Variants in DISP1 observed in about 807,000 individuals in gnomAD.
DISP1 encodes dispatched RND transporter family member 1, also known as protein dispatched homolog 1.
Under a neutral mutation model 37.3 loss-of-function variants are expected in DISP1, and 30 were observed. The ratio of observed to expected loss-of-function variants is 0.80; its 90% CI spans 0.60 to 1.09. The LOEUF (loss-of-function observed/expected upper bound fraction) is 1.09. Among genes scored for constraint, DISP1 ranks in the 50% least tolerant of loss-of-function variants. The pLI, the probability that DISP1 is intolerant of heterozygous loss-of-function variation, is 0.00. For synonymous variants in DISP1, 634 were observed against 690.2 expected (o/e 0.92, Z 1.28); for missense variants, 1,598 against 1,879.5 (o/e 0.85, Z 2.77).
Position 223,002,475 on chromosome 1 carries a change from A to G in DISP1, c.1078A>G (p.Ile360Val), listed in dbSNP as rs777035784. Residue 360 changes from isoleucine (I) to valine (V), a missense_variant, in exon 9 of 9, where the codon ATT (isoleucine) becomes GTT (valine). By Grantham distance (29) the Ile-to-Val change is conservative. Coordinates refer to ENST00000675850, the MANE Select transcript of DISP1 (RefSeq NM_001377229.1). ...PSWTLGNYIA[I>V]LNNRSSCQKI... ...CTGGACACTGGGAAACTACATCGCCATTCTGAACAATAGATCGTCCTGTCA... is the reference window on the plus strand; with the variant it reads ...CTGGACACTGGGAAACTACATCGCCGTTCTGAACAATAGATCGTCCTGTCA... 1 of 1,614,188 alleles carries G rather than the reference A, an allele frequency of 6.2e-7. No individual in the cohort carries two copies. Among genetic ancestry groups the G allele is most frequent in the Non-Finnish European group, 8.5e-7 (1 of 1,180,032 alleles).
chr1:222,968,707 G>C (rs1036760161), intron 3 of DISP1, among the ~76,000 whole-genome samples: 3 of 152,162 alleles, frequency 2.0e-5, no homozygotes, highest in Non-Finnish European at 2.9e-5. Context: ...CCAGAGGCAG[G>C]TGGATCACCT....
chr1:222,919,331 G>A (rs568222072), intron 1 of DISP1, among the ~76,000 whole-genome samples: 3 of 152,206 alleles, frequency 2.0e-5, no homozygotes, highest in Non-Finnish European at 4.4e-5. Context: ...GCTGAGGGAA[G>A]TCACGCCCCG....
chr1:222,870,028 G>C (rs902491908), intron 1 of DISP1, among the ~76,000 whole-genome samples: 1 of 151,950 alleles, frequency 6.6e-6, no homozygotes, highest in African/African-American at 2.4e-5. Flanking sequence ...CTATGAATGA[G>C]AACATGCGGT....
At chr1:222,981,891 G>C (rs968011385) in intron 3 of DISP1, among the ~76,000 whole-genome samples, 1 of 152,144 alleles carries the variant, frequency 6.6e-6, no homozygotes, top group African/African-American at 2.4e-5. Flanking sequence ...TTAGTGTAGT[G>C]GTTCCTAAAC....
At chr1:222,935,701 G>T (rs1167970922) in intron 2 of DISP1, among the ~76,000 whole-genome samples, 1 of 152,146 alleles carries the variant, frequency 6.6e-6, no homozygotes, top group East Asian at 1.9e-4. Context: ...GTGAGGCTTT[G>T]CTAAGTGGTT....
At chr1:222,957,355 G>A (rs1234643976) in intron 3 of DISP1, among the ~76,000 whole-genome samples, 1 of 152,084 alleles carries the variant, frequency 6.6e-6, no homozygotes, top group South Asian at 2.1e-4. Flanking sequence ...TTGGGAAGCC[G>A]AGGTGGATGG....
At chr1:222,960,954 T>C (rs961419663) in intron 3 of DISP1, among the ~76,000 whole-genome samples, 1 of 152,062 alleles carries the variant, frequency 6.6e-6, no homozygotes, top group African/African-American at 2.4e-5. Context: ...CAAGAAGTTC[T>C]GAAATTGAGG....
intron 1 of DISP1, among the ~76,000 whole-genome samples, chr1:222,842,348 A>G (rs1347915817): frequency 1.3e-5 from 2 of 151,150 alleles, no homozygotes; most frequent in Admixed American, 6.6e-5. Flanking sequence ...GTTTTATTCT[A>G]TAGCCACAGC....
chr1:222,839,149 T>C (rs895015808), intron 1 of DISP1, among the ~76,000 whole-genome samples: 8 of 152,146 alleles, frequency 5.3e-5, no homozygotes, highest in Non-Finnish European at 1.2e-4. Context: ...TGTGGCCTGT[T>C]AGGAACTGGG....
At chr1:222,874,030 T>C (rs926116089) in intron 1 of DISP1, among the ~76,000 whole-genome samples, 3 of 152,212 alleles carry the variant, frequency 2.0e-5, no homozygotes, top group African/African-American at 4.8e-5. Context: ...CCTTCACTTA[T>C]GAAACTTAGT....
At position 222,890,551 on chromosome 1, in the gene DISP1, C is replaced by A. The variant is rs544167162; in HGVS notation, c.-158-37879C>A. On this transcript the variant is annotated intron_variant, in intron 1 of 8. Coordinates refer to ENST00000675850, the MANE Select transcript of DISP1 (RefSeq NM_001377229.1). ...TAAATGAGGGAGATAAGGGATAGTTCATTTTGGGGGAATCGGGGAAGACTT... is the reference window on the plus strand; with the variant it reads ...TAAATGAGGGAGATAAGGGATAGTTAATTTTGGGGGAATCGGGGAAGACTT... Among the ~76,000 whole-genome samples the A allele has an allele frequency of 1.2e-4, 18 of 152,126 alleles. No individual in the cohort carries two copies. In the South Asian group the frequency reaches 3.7e-3, roughly 32 times the overall value.
chr1:222,956,742 C>T (rs950496524), intron 3 of DISP1, among the ~76,000 whole-genome samples: 1 of 152,022 alleles, frequency 6.6e-6, no homozygotes. Context: ...AGACTTCATT[C>T]CAGTATTCCA....
At chr1:222,843,967 G>T (rs897274939) in intron 1 of DISP1, among the ~76,000 whole-genome samples, 1 of 152,078 alleles carries the variant, frequency 6.6e-6, no homozygotes, top group African/African-American at 2.4e-5. Flanking sequence ...GGCTAGGAAA[G>T]GCACCCATGG....
At chr1:222,952,432 A>G (rs1270898719) in intron 3 of DISP1, among the ~76,000 whole-genome samples, 1 of 152,238 alleles carries the variant, frequency 6.6e-6, no homozygotes, top group African/African-American at 2.4e-5. Flanking sequence ...ATGATATAGA[A>G]TAACAGCAAT....
intron 1 of DISP1, among the ~76,000 whole-genome samples, chr1:222,894,375 G>T (rs1277960952): frequency 6.6e-6 from 1 of 152,160 alleles, no homozygotes; most frequent in African/African-American, 2.4e-5. Context: ...CACCCTCAGT[G>T]CCCCCTCGGG....
At position 223,003,956 on chromosome 1, in the gene DISP1, T is replaced by C; in HGVS notation, c.2559T>C (p.Ile853=). 1 of 1,614,030 alleles carries C rather than the reference T, an allele frequency of 6.2e-7. No homozygotes were observed. The highest frequency in any genetic ancestry group is 8.5e-7 in the Non-Finnish European group (1 of 1,179,928). The change falls in exon 9 of 9, where the codon ATT becomes ATC. Residue 853 remains isoleucine, a synonymous_variant. Transcript: ENST00000675850. This position sits in a 1 kb window ranked among gnomAD's most constrained non-coding sequence, Gnocchi z 4.3. The part of the protein sequence containing the change: ...TDEQDFTSCF[I]ETFKQWMENQ... ...AACAGGACTTCACCAGCTGCTTCAT[T>C]GAGACATTCAAACAGTGGATGGAAA...
intron 1 of DISP1, among the ~76,000 whole-genome samples, chr1:222,867,892 T>C (rs532965195): frequency 6.6e-6 from 1 of 152,306 alleles, no homozygotes; most frequent in Non-Finnish European, 1.5e-5. Flanking sequence ...CTCTACTCCC[T>C]AATGCTTAGG....
intron 1 of DISP1, among the ~76,000 whole-genome samples, chr1:222,886,079 C>T (rs189799657): frequency 1.3e-5 from 2 of 152,310 alleles, no homozygotes; most frequent in East Asian, 1.9e-4. Flanking sequence ...TTCAGAGTTC[C>T]TCCATGTCTA....
chr1:222,905,418 T>C (rs1671839004), intron 1 of DISP1, among the ~76,000 whole-genome samples: 1 of 148,838 alleles, frequency 6.7e-6, no homozygotes, highest in South Asian at 2.2e-4. Flanking sequence ...GGCTTAGAAA[T>C]GGCTAATTAA....
Sources: gnomAD v4.1 joint callset for allele counts (sites outside exome capture counted in the v4.1 genomes callset) on GRCh38, gnomAD v4.1.1 for gene constraint, Gnocchi (gnomAD v3.1) non-coding constraint, MANE v1.5 for transcripts, NCBI Gene and HGNC (gene_info 2026-07-23, HGNC 2026-07-21) for gene names.